TMEM69: variants seen among roughly 807,000 people sequenced by gnomAD.
TMEM69 encodes transmembrane protein 69.
TMEM69 carries 17 observed loss-of-function variants against 15.8 expected under a neutral mutation model. The ratio of observed to expected loss-of-function variants is 1.07; its 90% CI spans 0.73 to 1.61. The LOEUF (loss-of-function observed/expected upper bound fraction) is 1.61. Ranked by LOEUF, TMEM69 falls within the 40% of genes most tolerant of loss-of-function variation. The probability of loss-of-function intolerance (pLI) is 0.00; values close to 1 mark genes in which losing one functional copy is unlikely to be tolerated. For synonymous variants in TMEM69, 80 were observed against 98.6 expected, an observed-to-expected ratio of 0.81 and a Z score of 1.12; for missense variants, 230 against 286.1, an observed-to-expected ratio of 0.80 and a Z score of 1.41.
At chr1:45,691,241 CAAGT>C (rs1645342987) in intron 2 of TMEM69, 131 bp downstream of exon 2, 8 of 796,888 alleles carry the variant, frequency 1.0e-5, no homozygotes, top group Non-Finnish European at 1.7e-5. Flanking sequence ...AAGTAAAATA[CAAGT>C]AAGTAAAATG....
chr1:45,688,385 G>T (rs928414510), intron 1 of TMEM69, 110 bp downstream of exon 1: 2 of 152,124 alleles, frequency 1.3e-5, no homozygotes, highest in African/African-American at 4.8e-5. Context: ...TCTCGGGCAG[G>T]GTTTCCCGAA....
At chr1:45,692,694 T>C (rs1645352481) in intron 2 of TMEM69, among the ~76,000 whole-genome samples, 2 of 152,142 alleles carry the variant, frequency 1.3e-5, no homozygotes, top group Admixed American at 1.3e-4. Flanking sequence ...GATAGGAAAG[T>C]AGTAAGAGCT....
chr1:45,691,875 C>G (rs560316939), intron 2 of TMEM69, among the ~76,000 whole-genome samples: 1 of 150,808 alleles, frequency 6.6e-6, no homozygotes, highest in African/African-American at 2.4e-5. Context: ...AGGCCAGGCA[C>G]GGTCACTCAC....
intron 2 of TMEM69, 144 bp from the exon 3 acceptor site, chr1:45,693,058 GTA>G: frequency 1.7e-6 from 1 of 588,606 alleles, no homozygotes; most frequent in Non-Finnish European, 3.0e-6. Context: ...CATCCTTTCT[GTA>G]TAGTTTGATG....
chr1:45,691,991 T>C (rs1173078606), intron 2 of TMEM69, among the ~76,000 whole-genome samples: 1 of 148,814 alleles, frequency 6.7e-6, no homozygotes, highest in African/African-American at 2.5e-5. Flanking sequence ...CTACTAAAAA[T>C]ACAAAAATTA....
At chr1:45,690,930 G>A (rs1569922007) in intron 1 of TMEM69, 44 bp from the exon 2 acceptor site, 1 of 805,546 alleles carries the variant, frequency 1.2e-6, no homozygotes, top group Non-Finnish European at 2.1e-6. Flanking sequence ...AAAAATTAAT[G>A]TATAAAATGA....
At chr1:45,691,648 G>A (rs984839121) in intron 2 of TMEM69, among the ~76,000 whole-genome samples, 1 of 152,036 alleles carries the variant, frequency 6.6e-6, no homozygotes, top group African/African-American at 2.4e-5. Flanking sequence ...GTACCTGCCT[G>A]GCCAACATGG....
intron 1 of TMEM69, among the ~76,000 whole-genome samples, chr1:45,688,899 A>G (rs1645322226): frequency 7.2e-6 from 1 of 138,410 alleles, no homozygotes; most frequent in Non-Finnish European, 1.5e-5. Context: ...AATTAGTTCA[A>G]TCGATTTTTT....
At chr1:45,693,066 T>C in intron 2 of TMEM69, 138 bp from the exon 3 acceptor site, 1 of 610,076 alleles carries the variant, frequency 1.6e-6, no homozygotes. Context: ...CTGTATAGTT[T>C]GATGTGGTAA....
chr1:45,691,999 T>C (rs1431444685), intron 2 of TMEM69, among the ~76,000 whole-genome samples: 1 of 151,810 alleles, frequency 6.6e-6, no homozygotes, highest in Non-Finnish European at 1.5e-5. Flanking sequence ...AATACAAAAA[T>C]TAGCTGGGCA....
chr1:45,693,535 T>A lies in TMEM69; in HGVS notation c.374T>A (p.Leu125Ter). ...ATGACAAAAACTTATATTCCCATAT[T>A]AGCTTTTACTCAGATGGCTTATGGA... ...MLMTKTYIPILAFTQMAYGAS... is the reference protein window; with the variant it reads ...MLMTKTYIPI Residue 125 changes from leucine to a stop codon, truncating the protein, a stop_gained, in exon 3 of 3, where the codon TTA (leucine) becomes TAA (stop). Transcript: ENST00000372025. LOFTEE classifies it high-confidence loss of function. 1 of 1,614,232 alleles carries A rather than the reference T, an allele frequency of 6.2e-7. No individual in the cohort carries two copies. Among genetic ancestry groups the A allele is most frequent in the Non-Finnish European group, 8.5e-7 (1 of 1,180,038 alleles).
chr1:45,689,100 G>T (rs1645325665), intron 1 of TMEM69, among the ~76,000 whole-genome samples: 1 of 151,664 alleles, frequency 6.6e-6, no homozygotes, highest in Non-Finnish European at 1.5e-5. Flanking sequence ...AGACGGGGGG[G>T]AGGTTCACTA....
In TMEM69 at chr1:45,689,770, G is replaced by T. The variant is rs111600892; in HGVS notation, c.-95-1204G>T. ...GGAGAATGGCATGAACCTGGGAGGC[G>T]AAGCTTGCAGTGAGCTGAGATGGCA... is the stretch of plus-strand genomic sequence containing the variant. On this transcript the variant is annotated intron_variant, in intron 1 of 2. Coordinates refer to ENST00000372025, the MANE Select transcript of TMEM69 (RefSeq NM_016486.4). 5.1e-3 allele frequency among the ~76,000 whole-genome samples: 769 copies of T among 152,126 alleles called. 7 individuals are homozygous for T. The highest frequency in any genetic ancestry group is 0.017 in the African/African-American group (724 of 41,518).
At chr1:45,692,266 G>A (rs1422434521) in intron 2 of TMEM69, among the ~76,000 whole-genome samples, 1 of 152,226 alleles carries the variant, frequency 6.6e-6, no homozygotes, top group African/African-American at 2.4e-5. Flanking sequence ...GCAGGGGATC[G>A]GAAGTAGGTA....
rs1330396701 is a variant in TMEM69 at position 45,688,217 on chromosome 1, T to C, written c.-154T>C. ...GTGCCTTTCCAGTGGACCTGGGCTGTTGTTGCGGTTGTTTTCCTTCTCTCC... is the reference window on the plus strand; with the variant it reads ...GTGCCTTTCCAGTGGACCTGGGCTGCTGTTGCGGTTGTTTTCCTTCTCTCC... On this transcript the variant is annotated 5_prime_UTR_variant, in exon 1 of 3. Coordinates refer to ENST00000372025, the MANE Select transcript of TMEM69 (RefSeq NM_016486.4). 6.6e-6 allele frequency: 1 copy of C among 152,162 alleles called. No individual in the cohort carries two copies. The highest frequency in any genetic ancestry group is 1.5e-5 in the Non-Finnish European group (1 of 68,026). 9.4% of individuals were successfully genotyped at this position (152,162 alleles called of 1,614,324 possible). A position where few individuals can be genotyped will look rare whatever the true frequency, so the allele number is the denominator to read the frequency against.
At chr1:45,689,864 C>T (rs1310669554) in intron 1 of TMEM69, among the ~76,000 whole-genome samples, 2 of 151,738 alleles carry the variant, frequency 1.3e-5, no homozygotes, top group Non-Finnish European at 2.9e-5. Flanking sequence ...GGCATGGTGG[C>T]GTGGCCTGTA....
In TMEM69 at chr1:45,691,012, C is replaced by T; in HGVS notation, c.-57C>T. On this transcript the variant is annotated 5_prime_UTR_variant, in exon 2 of 3. Transcript: ENST00000372025. Reference sequence around the variant, plus strand: ...ATTCAGTGCCTCTGCTTAGCTGTAACATGTTAATCAGAACTACCTGGCATC... The same window carrying T: ...ATTCAGTGCCTCTGCTTAGCTGTAATATGTTAATCAGAACTACCTGGCATC... 1 of 1,599,008 alleles carries T rather than the reference C, an allele frequency of 6.3e-7. No individual in the cohort carries two copies. The highest frequency in any genetic ancestry group is 8.6e-7 in the Non-Finnish European group (1 of 1,166,642).
chr1:45,691,304 A>G (rs1645343618), intron 2 of TMEM69, among the ~76,000 whole-genome samples, 194 bp downstream of exon 2: 1 of 152,156 alleles, frequency 6.6e-6, no homozygotes, highest in African/African-American at 2.4e-5. Flanking sequence ...AGTCCCAGCA[A>G]TTTGGCAGGC....
chr1:45,693,028 T>C (rs112421255), intron 2 of TMEM69, among the ~76,000 whole-genome samples, 176 bp from the exon 3 acceptor site: 148 of 152,324 alleles, frequency 9.7e-4, no homozygotes, highest in African/African-American at 3.3e-3. Context: ...AGCAATAATA[T>C]CACTTCAGAG....
Sources: allele counts gnomAD v4.1 joint callset (sites outside exome capture counted in the v4.1 genomes callset), GRCh38; gene constraint gnomAD v4.1.1; transcripts MANE v1.5; gene names NCBI Gene and HGNC (gene_info 2026-07-23, HGNC 2026-07-21).